The following DGKG variants were observed in gnomAD, a reference collection of about 807,000 sequenced individuals.
The protein encoded by DGKG is diacylglycerol kinase gamma.
Under a neutral mutation model 105.3 loss-of-function variants are expected in DGKG, and 78 were observed. The ratio of observed to expected loss-of-function variants is 0.74; its 90% CI spans 0.62 to 0.89. The LOEUF (loss-of-function observed/expected upper bound fraction) is 0.89. Ranked by LOEUF, DGKG falls within the 40% of genes least tolerant of loss-of-function variation. DGKG has a pLI of 0.00. For synonymous variants in DGKG, 346 were observed against 367.1 expected, an observed-to-expected ratio of 0.94 and a Z score of 0.66; for missense variants, 958 against 1,020.1, an observed-to-expected ratio of 0.94 and a Z score of 0.83.
At position 186,361,067 on chromosome 3, in the gene DGKG, G is replaced by A. The variant is rs1044277718; in HGVS notation, c.-249+879C>T. On this transcript the variant is annotated intron_variant, in intron 1 of 24. Coordinates refer to ENST00000265022, the MANE Select transcript of DGKG (RefSeq NM_001346.3). This position sits in a 1 kb window ranked among gnomAD's most constrained non-coding sequence, Gnocchi z 6.8. ...CTCCCGCCGCGGGGGGCGACTGGGG[G>A]AGGGGTCTCGACCGCCACCCTGAGT... 6.6e-6 allele frequency among the ~76,000 whole-genome samples: 1 copy of A among 152,184 alleles called. No homozygotes were observed. Among genetic ancestry groups the A allele is most frequent in the East Asian group, 1.9e-4 (1 of 5,176 alleles).
Position 186,148,781 on chromosome 3 carries a change from C to T in DGKG, c.*1309G>A. 4 of 985,516 alleles carry T rather than the reference C, an allele frequency of 4.1e-6. No homozygotes were observed. The highest frequency in any genetic ancestry group is 2.4e-6 in the Non-Finnish European group (2 of 829,880). 61.0% of individuals were successfully genotyped at this position (985,516 alleles called of 1,614,324 possible). ...AATAGGAGTTCTCGGTCTCTTCGTTCATAATAGGGAGCTACTTTCATTCCC... is the reference window on the plus strand; with the variant it reads ...AATAGGAGTTCTCGGTCTCTTCGTTTATAATAGGGAGCTACTTTCATTCCC... On this transcript the variant is annotated 3_prime_UTR_variant, in exon 25 of 25. Transcript: ENST00000265022.
intron 2 of DGKG, among the ~76,000 whole-genome samples, chr3:186,317,396 C>G (rs570286451): frequency 6.2e-4 from 95 of 152,330 alleles, no homozygotes; most frequent in Non-Finnish European, 1.1e-3. Flanking sequence ...ACTGACCCCT[C>G]ATTTCCACTC....
chr3:186,307,527 C>G (rs1020287597), intron 2 of DGKG, among the ~76,000 whole-genome samples: 2 of 152,164 alleles, frequency 1.3e-5, no homozygotes, highest in Non-Finnish European at 1.5e-5. Flanking sequence ...TTCATTGGCT[C>G]CCACGTGACT....
At chr3:186,265,662 T>C (rs1468807903) in intron 13 of DGKG, among the ~76,000 whole-genome samples, 1 of 134,872 alleles carries the variant, frequency 7.4e-6, no homozygotes, top group Admixed American at 7.4e-5. Context: ...CCTTTCTTTT[T>C]TTTTTTTTTT....
intron 20 of DGKG, among the ~76,000 whole-genome samples, chr3:186,224,589 G>A (rs1156956779): frequency 1.3e-5 from 2 of 152,154 alleles, no homozygotes; most frequent in Non-Finnish European, 2.9e-5. Context: ...TCTGTGGTCA[G>A]GTAAATTTGG....
chr3:186,156,338 A>G (rs774478580), intron 24 of DGKG, among the ~76,000 whole-genome samples: 1 of 152,058 alleles, frequency 6.6e-6, no homozygotes, highest in Non-Finnish European at 1.5e-5. Flanking sequence ...CTGAAACGCA[A>G]TTTCTTGGAT....
At chr3:186,232,440 G>A (rs6808013) in intron 20 of DGKG, among the ~76,000 whole-genome samples, 108,926 of 152,052 alleles carry the variant, frequency 0.72, 40,741 homozygotes, top group East Asian at 0.97. Context: ...TTTACAATGA[G>A]CCTGAATGAC....
intron 17 of DGKG, among the ~76,000 whole-genome samples, chr3:186,257,409 C>T (rs1721531391): frequency 6.6e-6 from 1 of 152,242 alleles, no homozygotes. Flanking sequence ...TTTGCTTGCA[C>T]TGATCTGTAC....
intron 24 of DGKG, among the ~76,000 whole-genome samples, chr3:186,151,463 G>A (rs1480939606): frequency 1.3e-5 from 2 of 152,200 alleles, no homozygotes; most frequent in Non-Finnish European, 2.9e-5. Flanking sequence ...ATGGGAACAA[G>A]GAGGAAAGAA....
chr3:186,175,002 G>A (rs1482702273), intron 22 of DGKG, among the ~76,000 whole-genome samples: 1 of 152,210 alleles, frequency 6.6e-6, no homozygotes, highest in Non-Finnish European at 1.5e-5. Context: ...TTTGGAGGAG[G>A]AGAGGCCTGC....
chr3:186,198,194 G>A (rs891604065), intron 21 of DGKG, among the ~76,000 whole-genome samples: 7 of 152,154 alleles, frequency 4.6e-5, no homozygotes, highest in Admixed American at 2.0e-4. Flanking sequence ...CTTTGCTTCC[G>A]TATGAGTTCC....
intron 2 of DGKG, among the ~76,000 whole-genome samples, chr3:186,308,292 C>A (rs146104108): frequency 1.3e-5 from 2 of 152,156 alleles, no homozygotes; most frequent in African/African-American, 2.4e-5. Context: ...ATTAAAAACA[C>A]ATTATGAATG....
chr3:186,213,966 C>T (rs1719159105), intron 20 of DGKG, among the ~76,000 whole-genome samples: 1 of 152,214 alleles, frequency 6.6e-6, no homozygotes, highest in East Asian at 1.9e-4. Flanking sequence ...AATGTCAAAG[C>T]TGAGCATTCC....
At chr3:186,189,042 T>C (rs896451915) in intron 21 of DGKG, among the ~76,000 whole-genome samples, 4 of 152,018 alleles carry the variant, frequency 2.6e-5, no homozygotes, top group Admixed American at 6.6e-5. Context: ...CTCGATCTCC[T>C]GACCTGTTGA....
At chr3:186,252,701 T>C (rs1721283402) in intron 18 of DGKG, among the ~76,000 whole-genome samples, 1 of 152,116 alleles carries the variant, frequency 6.6e-6, no homozygotes, top group Non-Finnish European at 1.5e-5. Context: ...AGATCAGCCA[T>C]TTGTGGGAGA....
intron 22 of DGKG, among the ~76,000 whole-genome samples, chr3:186,179,796 G>A (rs1162394877): frequency 6.6e-6 from 1 of 152,194 alleles, no homozygotes; most frequent in Non-Finnish European, 1.5e-5. Context: ...GGCTTGAGAG[G>A]AGAGAAGAGT....
At chr3:186,295,882 G>C (rs1010945158) in intron 5 of DGKG, among the ~76,000 whole-genome samples, 1 of 152,102 alleles carries the variant, frequency 6.6e-6, no homozygotes, top group Admixed American at 6.5e-5. Context: ...GCTTTTGGGT[G>C]GATCACTTGA....
chr3:186,147,540 A>C lies in DGKG; in HGVS notation c.*2550T>G. On this transcript the variant is annotated 3_prime_UTR_variant, in exon 25 of 25. Coordinates refer to ENST00000265022, the MANE Select transcript of DGKG (RefSeq NM_001346.3). ...AGATTTACTAAGGTTACCAAACTGG[A>C]AGTGCAATTCCACTGAAGTTGTTAT... The C allele has an allele frequency of 1.0e-6, 1 of 985,376 alleles. No individual in the cohort carries two copies. The highest frequency in any genetic ancestry group is 1.2e-6 in the Non-Finnish European group (1 of 829,906). 61.0% of individuals were successfully genotyped at this position (985,376 alleles called of 1,614,324 possible). A position where few individuals can be genotyped will look rare whatever the true frequency, so the allele number is the denominator to read the frequency against.
intron 2 of DGKG, among the ~76,000 whole-genome samples, chr3:186,310,209 A>G (rs1396597978): frequency 7.0e-6 from 1 of 142,794 alleles, no homozygotes; most frequent in Non-Finnish European, 1.5e-5. Context: ...GGAGCTTGCA[A>G]TGAGCCGAGA....
Sources: allele counts gnomAD v4.1 joint callset (sites outside exome capture counted in the v4.1 genomes callset), GRCh38; gene constraint gnomAD v4.1.1; non-coding constraint Gnocchi (gnomAD v3.1); transcripts MANE v1.5; gene names NCBI Gene and HGNC (gene_info 2026-07-23, HGNC 2026-07-21).